Variants in PLEKHG2 observed in about 807,000 individuals in gnomAD.
PLEKHG2 encodes the protein pleckstrin homology domain-containing family G member 2.
A neutral mutation model predicts 104.4 loss-of-function variants in PLEKHG2; 71 were observed. The ratio of observed to expected loss-of-function variants is 0.68; its 90% CI spans 0.56 to 0.83. The LOEUF (loss-of-function observed/expected upper bound fraction) is 0.83, where lower values mean the gene tolerates loss of function less well. PLEKHG2 is among the 40% of genes least tolerant of loss of function. The pLI is 0.00. For missense variants in PLEKHG2, 1,730 were observed against 1,809.4 expected, an observed-to-expected ratio of 0.96 and a Z score of 0.80; for synonymous variants, 728 against 737.0, an observed-to-expected ratio of 0.99 and a Z score of 0.20.
chr19:39,414,841 G>A, intron 2 of PLEKHG2, 151 bp from the exon 3 acceptor site: 2 of 893,600 alleles, frequency 2.2e-6, no homozygotes, highest in Non-Finnish European at 3.4e-6. Flanking sequence ...GGATGGGACT[G>A]GACCAAGACA....
At position 39,423,718 on chromosome 19, in the gene PLEKHG2, T is replaced by G. The variant is rs1406814521; in HGVS notation, c.2600-15T>G. ...TGGAGTAGTGGTCCTGACTCGATCC[T>G]CTTTTCGCATTCAGGGCTCCTGCCT... On this transcript the variant is annotated splice_polypyrimidine_tract_variant and intron_variant, in intron 18 of 18. Coordinates refer to ENST00000425673, the MANE Select transcript of PLEKHG2 (RefSeq NM_022835.3). The G allele has an allele frequency of 2.5e-6, 4 of 1,601,462 alleles. No individual in the cohort carries two copies. Among genetic ancestry groups the G allele is most frequent in the Non-Finnish European group, 1.7e-6 (2 of 1,172,282 alleles).
rs1326951250 is a variant in PLEKHG2 at position 39,416,249 on chromosome 19, C to T, written c.480-99C>T. 1 of 1,229,106 alleles carries T rather than the reference C, an allele frequency of 8.1e-7. No homozygotes were observed. Among genetic ancestry groups the T allele is most frequent in the African/African-American group, 1.5e-5 (1 of 67,154 alleles). 76.1% of individuals were successfully genotyped at this position (1,229,106 alleles called of 1,614,324 possible). A position where few individuals can be genotyped will look rare whatever the true frequency, so the allele number is the denominator to read the frequency against. ...AGGAGATGCTGGCAGTCAGCAAGCC[C>T]CCAGCCCCAGCAGACCATTGGGGCC... is the stretch of plus-strand genomic sequence containing the variant. On this transcript the variant is annotated intron_variant, in intron 4 of 18. Transcript: ENST00000425673. The surrounding 1 kb of genome is among the most constrained non-coding windows in gnomAD (Gnocchi z 4.5).
rs2078694730 is a variant in PLEKHG2 at position 39,421,190 on chromosome 19, G to A, written c.1486+77G>A. On this transcript the variant is annotated intron_variant, in intron 15 of 18. Transcript: ENST00000425673. ...GGATGTCTGGGGCGGGTTGGGGAGGGGTGGTTGCTTCAGCTCATCAGTTAT... is the reference window on the plus strand; with the variant it reads ...GGATGTCTGGGGCGGGTTGGGGAGGAGTGGTTGCTTCAGCTCATCAGTTAT... 7.4e-6 allele frequency: 12 copies of A among 1,612,168 alleles called. No homozygotes were observed. The South Asian group carries it at 1.3e-4, about 18-fold the overall frequency.
In PLEKHG2 at chr19:39,415,720, G is replaced by A. The variant is rs1464180987; in HGVS notation, c.479+281G>A. On this transcript the variant is annotated intron_variant, in intron 4 of 18. Coordinates refer to ENST00000425673, the MANE Select transcript of PLEKHG2 (RefSeq NM_022835.3). The surrounding 1 kb of genome is among the most constrained non-coding windows in gnomAD (Gnocchi z 4.6). ...ACCCCGAGTGAGGGAGGGGCATAGCGGATGGGAGTCAGAGGACCTGGATGA... is the reference window on the plus strand; with the variant it reads ...ACCCCGAGTGAGGGAGGGGCATAGCAGATGGGAGTCAGAGGACCTGGATGA... Among the ~76,000 whole-genome samples, 6 of 152,088 alleles carry A rather than the reference G, an allele frequency of 3.9e-5. No individual in the cohort carries two copies. The highest frequency in any genetic ancestry group is 7.4e-5 in the Non-Finnish European group (5 of 68,000).
Position 39,423,366 on chromosome 19 carries a change from G to C in PLEKHG2, c.2312G>C (p.Trp771Ser). ...FRSCSEIRSA[W>S]QALEQGQLAR... ...TCTTGCTCAGAAATCCGGAGCGCCTGGCAGGCATTGGAACAGGGACAGCTG... is the reference window on the plus strand; with the variant it reads ...TCTTGCTCAGAAATCCGGAGCGCCTCGCAGGCATTGGAACAGGGACAGCTG... The change falls in exon 18 of 19, where the codon TGG becomes TCG. Residue 771 changes from tryptophan to serine, a missense_variant. Transcript: ENST00000425673. The C allele has an allele frequency of 1.2e-6, 2 of 1,613,234 alleles. No homozygotes were observed. Among genetic ancestry groups the C allele is most frequent in the Non-Finnish European group, 1.7e-6 (2 of 1,179,508 alleles).
rs1472309499 is a variant in PLEKHG2 at position 39,413,763 on chromosome 19, G to A, written c.-22-302G>A. ...TTCCCAGCCCTGCCCCTCGCCCTCC[G>A]CTCCAGCTGGAGCCCAAACGTTCCC... On this transcript the variant is annotated intron_variant, in intron 1 of 18. Transcript: ENST00000425673. This position sits in a 1 kb window ranked among gnomAD's most constrained non-coding sequence, Gnocchi z 4.5. 3 of 177,536 alleles carry A rather than the reference G, an allele frequency of 1.7e-5. No homozygotes were observed. Among genetic ancestry groups the A allele is most frequent in the Admixed American group, 6.1e-5 (1 of 16,412 alleles). 11.0% of individuals were successfully genotyped at this position (177,536 alleles called of 1,614,324 possible).
In PLEKHG2 at chr19:39,425,310, T is replaced by A. The variant is rs1479320577; in HGVS notation, c.*16T>A. ...CCACATGTGAGCCAGGACATGAGGC[T>A]TCCCTGAAGCAAGGATTTCAGCCAG... On this transcript the variant is annotated 3_prime_UTR_variant, in exon 19 of 19. Coordinates refer to ENST00000425673, the MANE Select transcript of PLEKHG2 (RefSeq NM_022835.3). The A allele has an allele frequency of 6.3e-7, 1 of 1,591,870 alleles. No homozygotes were observed. Among genetic ancestry groups the A allele is most frequent in the South Asian group, 1.1e-5 (1 of 88,050 alleles).
In PLEKHG2 at chr19:39,425,360, C is replaced by T. The variant is rs1274625659; in HGVS notation, c.*66C>T. 18 of 1,536,144 alleles carry T rather than the reference C, an allele frequency of 1.2e-5. No individual in the cohort carries two copies. Among genetic ancestry groups the T allele is most frequent in the Non-Finnish European group, 1.6e-5 (18 of 1,144,718 alleles). ...GATGCCATAGACCCTCAGAACTTGACCTGGAAGTCCAGACACTGAACGCAG... is the reference window on the plus strand; with the variant it reads ...GATGCCATAGACCCTCAGAACTTGATCTGGAAGTCCAGACACTGAACGCAG... On this transcript the variant is annotated 3_prime_UTR_variant, in exon 19 of 19. Coordinates refer to ENST00000425673, the MANE Select transcript of PLEKHG2 (RefSeq NM_022835.3).
chr19:39,417,081 A>AC (rs2078618203), intron 7 of PLEKHG2, 81 bp downstream of exon 7: 19 of 1,455,624 alleles, frequency 1.3e-5, no homozygotes, highest in Admixed American at 2.4e-5. Flanking sequence ...TGGAGGATGG[A>AC]CCCCCCACGA....
rs1367987129 is a variant in PLEKHG2, at chr19:39,415,523, C to T, written c.479+84C>T. On this transcript the variant is annotated intron_variant, in intron 4 of 18. Coordinates refer to ENST00000425673, the MANE Select transcript of PLEKHG2 (RefSeq NM_022835.3). This position sits in a 1 kb window ranked among gnomAD's most constrained non-coding sequence, Gnocchi z 4.6. The stretch of plus-strand genomic sequence containing the variant: ...TCCAAACCTCGGAGCTTCGTAGTGT[C>T]CTGTCCAGGCTGGTACGTGGGGTTG... The T allele has an allele frequency of 7.6e-6, 11 of 1,442,596 alleles. No individual in the cohort carries two copies. The African/African-American group carries it at 1.5e-4, about 20-fold the overall frequency. The allele number at this position is 1,442,596 out of a possible 1,614,324, so 89.4% of individuals were successfully genotyped here.
rs2078610704 is a variant in PLEKHG2, at chr19:39,416,740, C to T, written c.594-110C>T. 1 of 1,470,618 alleles carries T rather than the reference C, an allele frequency of 6.8e-7. No individual in the cohort carries two copies. The highest frequency in any genetic ancestry group is 9.3e-7 in the Non-Finnish European group (1 of 1,074,262). 91.1% of individuals were successfully genotyped at this position (1,470,618 alleles called of 1,614,324 possible). A position where few individuals can be genotyped will look rare whatever the true frequency, so the allele number is the denominator to read the frequency against. ...CAGTAACTGACCTCTCCCTCACTGC[C>T]CCGCCCCCTGTCAGACCCTGACCCT... On this transcript the variant is annotated intron_variant, in intron 6 of 18. Transcript: ENST00000425673. The surrounding 1 kb of genome is among the most constrained non-coding windows in gnomAD (Gnocchi z 4.5).
rs773174094 is a variant in PLEKHG2, at chr19:39,421,342, G to A, written c.1503+43G>A. On this transcript the variant is annotated intron_variant, in intron 16 of 18. Coordinates refer to ENST00000425673, the MANE Select transcript of PLEKHG2 (RefSeq NM_022835.3). ...ATAGGGTCTGGGCACCTTGACTTCT[G>A]GGTCTGATGGAGAAGGGAGCTTGAG... The A allele has an allele frequency of 3.1e-6, 5 of 1,597,082 alleles. No homozygotes were observed. The African/African-American group carries it at 6.7e-5, about 21-fold the overall frequency.
At position 39,423,909 on chromosome 19, in the gene PLEKHG2, G is replaced by C. The variant is rs777364419; in HGVS notation, c.2776G>C (p.Asp926His). The change falls in exon 19 of 19, where the codon GAC becomes CAC. Residue 926 changes from aspartate to histidine, a missense_variant. Coordinates refer to ENST00000425673, the MANE Select transcript of PLEKHG2 (RefSeq NM_022835.3). ...ACATGTTTCCAATTTGCCTAAGCAAGACCTTCCGGGCATCCACGTTTCAGC... is the reference window on the plus strand; with the variant it reads ...ACATGTTTCCAATTTGCCTAAGCAACACCTTCCGGGCATCCACGTTTCAGC... ...GLHVSNLPKQ[D>H]LPGIHVSAAT... The C allele has an allele frequency of 3.7e-6, 6 of 1,614,076 alleles. No homozygotes were observed. Among genetic ancestry groups the C allele is most frequent in the Admixed American group, 3.3e-5 (2 of 60,004 alleles).
intron 17 of PLEKHG2, 112 bp from the exon 18 acceptor site, chr19:39,422,620 C>T: frequency 7.3e-7 from 1 of 1,364,926 alleles, no homozygotes; most frequent in South Asian, 1.9e-5. Context: ...AACTCGTAAC[C>T]TCAAGTGACC....
In PLEKHG2 at chr19:39,425,301, A is replaced by T. The variant is rs2078768772; in HGVS notation, c.*7A>T. On this transcript the variant is annotated 3_prime_UTR_variant, in exon 19 of 19. Transcript: ENST00000425673. ...TGCCCCCTTCCACATGTGAGCCAGG[A>T]CATGAGGCTTCCCTGAAGCAAGGAT... The T allele has an allele frequency of 6.3e-7, 1 of 1,598,262 alleles. No individual in the cohort carries two copies. The highest frequency in any genetic ancestry group is 8.5e-7 in the Non-Finnish European group (1 of 1,175,624).
At position 39,416,497 on chromosome 19, in the gene PLEKHG2, G is replaced by C. The variant is rs1232595375; in HGVS notation, c.547-54G>C. The C allele has an allele frequency of 4.3e-6, 7 of 1,612,638 alleles. No individual in the cohort carries two copies. The highest frequency in any genetic ancestry group is 5.9e-6 in the Non-Finnish European group (7 of 1,179,064). ...AGCAGGCTTGGGCTAGGCTGGAAGG[G>C]GGGTCGTGGGAAGCCAGGACCTGGG... On this transcript the variant is annotated intron_variant, in intron 5 of 18. Transcript: ENST00000425673. The surrounding 1 kb of genome is among the most constrained non-coding windows in gnomAD (Gnocchi z 4.5).
At position 39,425,322 on chromosome 19, in the gene PLEKHG2, A is replaced by G. The variant is rs773499748; in HGVS notation, c.*28A>G. The G allele has an allele frequency of 1.6e-5, 25 of 1,588,170 alleles. No individual in the cohort carries two copies. The highest frequency in any genetic ancestry group is 3.4e-6 in the Non-Finnish European group (4 of 1,170,754). ...CAGGACATGAGGCTTCCCTGAAGCA[A>G]GGATTTCAGCCAGATGCCATAGACC... On this transcript the variant is annotated 3_prime_UTR_variant, in exon 19 of 19. Coordinates refer to ENST00000425673, the MANE Select transcript of PLEKHG2 (RefSeq NM_022835.3).
chr19:39,415,369 G>A lies in PLEKHG2; in HGVS notation c.409G>A (p.Val137Ile). 6.2e-7 allele frequency: 1 copy of A among 1,614,178 alleles called. No individual in the cohort carries two copies. Among genetic ancestry groups the A allele is most frequent in the Non-Finnish European group, 8.5e-7 (1 of 1,180,014 alleles). ...DYLGPLLDGG[V>I]LGLSVEQVGT... is the part of the protein sequence containing the mutation. ...CCTGGGCCCTCTGCTGGACGGCGGGGTCCTGGGGCTGAGCGTGGAGCAGGT... is the reference window on the plus strand; with the variant it reads ...CCTGGGCCCTCTGCTGGACGGCGGGATCCTGGGGCTGAGCGTGGAGCAGGT... The change falls in exon 4 of 19, where the codon GTC becomes ATC. Residue 137 changes from valine (V) to isoleucine (I), a missense_variant. Transcript: ENST00000425673. The surrounding 1 kb of genome is among the most constrained non-coding windows in gnomAD (Gnocchi z 4.6).
rs1247550915 is a variant in PLEKHG2, at chr19:39,417,994, A to G, written c.972A>G (p.Gly324=). The G allele has an allele frequency of 8.3e-6, 13 of 1,557,120 alleles. No individual in the cohort carries two copies. The highest frequency in any genetic ancestry group is 9.5e-6 in the Non-Finnish European group (11 of 1,153,264). ...LVLEGAFRGG[G]GGGPRLRGGE... ...TGGAGGGCGCGTTCCGAGGAGGCGG[A>G]GGGGGTGGCCCCCGGCTACGAGGGG... Residue 324 remains glycine (G), a synonymous_variant, in exon 9 of 19, where the codon GGA becomes GGG. Transcript: ENST00000425673.
Sources: gnomAD v4.1 joint callset for allele counts (sites outside exome capture counted in the v4.1 genomes callset) on GRCh38, gnomAD v4.1.1 for gene constraint, Gnocchi (gnomAD v3.1) non-coding constraint, MANE v1.5 for transcripts, NCBI Gene and HGNC (gene_info 2026-07-23, HGNC 2026-07-21) for gene names.